Variants in NAALADL2 observed in about 807,000 individuals in gnomAD.
NAALADL2 encodes inactive N-acetylated-alpha-linked acidic dipeptidase-like protein 2.
In NAALADL2, 76 loss-of-function variants were observed where a neutral mutation model predicts 87.2. The observed-to-expected ratio is 0.87, with a 90% CI of 0.72 to 1.05. The LOEUF (loss-of-function observed/expected upper bound fraction) is 1.05. Ranked by LOEUF, NAALADL2 falls within the 50% of genes least tolerant of loss-of-function variation. NAALADL2 has a pLI of 0.00. For synonymous variants in NAALADL2, 354 were observed against 331.0 expected, an observed-to-expected ratio of 1.07 and a Z score of -0.75; for missense variants, 1,089 against 945.8, an observed-to-expected ratio of 1.15 and a Z score of -1.99.
rs1293064284 is a variant in NAALADL2 at position 175,375,103 on chromosome 3, C to A, written c.1090+50778C>A. Among the ~76,000 whole-genome samples, 3 of 152,188 alleles carry A rather than the reference C, an allele frequency of 2.0e-5. No individual in the cohort carries two copies. In the East Asian group the frequency reaches 5.8e-4, roughly 29 times the overall value. On this transcript the variant is annotated intron_variant, in intron 5 of 13. Coordinates refer to ENST00000454872, the MANE Select transcript of NAALADL2 (RefSeq NM_207015.3). Reference sequence around the variant, plus strand: ...ATCAATTGCTCATATAAGGTTCAGTCTACTACTGGACTCTCTATTCTGTTC... The same window carrying A: ...ATCAATTGCTCATATAAGGTTCAGTATACTACTGGACTCTCTATTCTGTTC...
chr3:174,593,012 T>G (rs894349064), intron 2 of NAALADL2, among the ~76,000 whole-genome samples: 10 of 152,034 alleles, frequency 6.6e-5, no homozygotes, highest in African/African-American at 2.4e-4. Context: ...GCTATCACTT[T>G]TCCTAAATCC....
intron 1 of NAALADL2, among the ~76,000 whole-genome samples, chr3:174,929,962 C>A (rs1357557101): frequency 1.3e-5 from 2 of 152,102 alleles, no homozygotes. Flanking sequence ...AGTATGTACT[C>A]AATAATAATG....
Position 175,808,551 on chromosome 3 carries a change from C to T in NAALADL2, c.*5348C>T, listed in dbSNP as rs1754897722. The stretch of plus-strand genomic sequence containing the variant: ...TTTAATGAGTGCAGACCCAGCCTAA[C>T]AGTATTTCATCTAATTTCTTTGATG... On this transcript the variant is annotated 3_prime_UTR_variant, in exon 14 of 14. Coordinates refer to ENST00000454872, the MANE Select transcript of NAALADL2 (RefSeq NM_207015.3). 1 of 151,960 alleles carries T rather than the reference C, an allele frequency of 6.6e-6. No individual in the cohort carries two copies. The highest frequency in any genetic ancestry group is 1.5e-5 in the Non-Finnish European group (1 of 67,932). The allele number at this position is 151,960 out of a possible 1,614,324, so 9.4% of individuals were successfully genotyped here.
intron 1 of NAALADL2, among the ~76,000 whole-genome samples, chr3:175,072,466 T>C (rs910507772): frequency 1.3e-5 from 2 of 152,008 alleles, no homozygotes; most frequent in Non-Finnish European, 1.5e-5. Flanking sequence ...ATGTCTAAAA[T>C]GAAAAGAGTC....
intron 1 of NAALADL2, among the ~76,000 whole-genome samples, chr3:174,969,123 A>G (rs548180540): frequency 6.6e-6 from 1 of 152,228 alleles, no homozygotes; most frequent in South Asian, 2.1e-4. Flanking sequence ...AATTCTTTTT[A>G]TTATGCTACT....
At chr3:175,698,419 ACATATG>A (rs1738391827) in intron 11 of NAALADL2, among the ~76,000 whole-genome samples, 1 of 53,400 alleles carries the variant, frequency 1.9e-5, no homozygotes, top group Non-Finnish European at 3.2e-5. Context: ...ATGTATGTAT[ACATATG>A]TATGTGTATA....
intron 2 of NAALADL2, among the ~76,000 whole-genome samples, chr3:175,150,582 T>C (rs1473821984): frequency 6.6e-6 from 1 of 152,170 alleles, no homozygotes; most frequent in African/African-American, 2.4e-5. Context: ...TATACCTTGG[T>C]AGCATAGCCA....
At chr3:174,487,971 A>G (rs1398555528) in intron 1 of NAALADL2, among the ~76,000 whole-genome samples, 1 of 152,002 alleles carries the variant, frequency 6.6e-6, no homozygotes, top group South Asian at 2.1e-4. Flanking sequence ...GAAGACATTA[A>G]AATTGTCAAG....
At chr3:174,642,773 T>C (rs200136501) in intron 2 of NAALADL2, among the ~76,000 whole-genome samples, 26 of 38,824 alleles carry the variant, frequency 6.7e-4, no homozygotes, top group African/African-American at 3.8e-3. Context: ...TATATATATA[T>C]ATATATATAT....
In NAALADL2 at chr3:174,763,549, T is replaced by C. The variant is rs113429977; in HGVS notation, c.-9+25803T>C. Among the ~76,000 whole-genome samples the C allele has an allele frequency of 5.9e-5, 7 of 119,000 alleles. 1 individual carries two copies. Among genetic ancestry groups the C allele is most frequent in the African/African-American group, 2.4e-4 (7 of 29,498 alleles). 78.1% of individuals were successfully genotyped at this position (119,000 alleles called of 152,430 possible). ...TTGCAGTGAACCGAGATTGCGCCAC[T>C]GCACTCCATCCTGGGCTACAGAGCG... On this transcript the variant is annotated intron_variant, in intron 3 of 3. Coordinates refer to the NAALADL2 transcript ENST00000434257.
At chr3:175,085,524 A>G (rs1718713944) in intron 1 of NAALADL2, among the ~76,000 whole-genome samples, 1 of 152,166 alleles carries the variant, frequency 6.6e-6, no homozygotes, top group Admixed American at 6.5e-5. Context: ...TCAGGAAACA[A>G]AGAGACCTGA....
intron 1 of NAALADL2, among the ~76,000 whole-genome samples, chr3:174,940,583 G>A (rs1738426025): frequency 1.3e-5 from 2 of 152,180 alleles, no homozygotes; most frequent in South Asian, 4.1e-4. Flanking sequence ...GTTTCAGTAG[G>A]AATGGTACCA....
chr3:174,864,357 G>T (rs918791808), intron 1 of NAALADL2, among the ~76,000 whole-genome samples: 1 of 152,006 alleles, frequency 6.6e-6, no homozygotes, highest in East Asian at 1.9e-4. Context: ...GTGAGATAAA[G>T]GTGGTCAATG....
chr3:175,539,060 C>G (rs934604568), intron 9 of NAALADL2, among the ~76,000 whole-genome samples: 4 of 152,036 alleles, frequency 2.6e-5, no homozygotes, highest in African/African-American at 9.7e-5. Flanking sequence ...CATTTGAAGG[C>G]CAATGAAAAA....
intron 3 of NAALADL2, among the ~76,000 whole-genome samples, chr3:174,754,768 G>GT (rs1171140087): frequency 1.3e-5 from 2 of 152,022 alleles, no homozygotes; most frequent in African/African-American, 2.4e-5. Context: ...TATAATTGTG[G>GT]TTTTTAATCT....
At chr3:174,905,386 T>G (rs148363040) in intron 1 of NAALADL2, among the ~76,000 whole-genome samples, 80 of 150,334 alleles carry the variant, frequency 5.3e-4, no homozygotes, top group Admixed American at 4.0e-3. Context: ...TAGTTACAAT[T>G]AAGAATTTTA....
intron 9 of NAALADL2, among the ~76,000 whole-genome samples, chr3:175,510,680 A>G (rs1300043797): frequency 1.3e-5 from 2 of 152,188 alleles, no homozygotes; most frequent in Non-Finnish European, 2.9e-5. Context: ...AAGTTAAAGA[A>G]CTTATTCAAG....
intron 2 of NAALADL2, among the ~76,000 whole-genome samples, chr3:175,118,425 AAAAT>A (rs1725627778): frequency 1.3e-5 from 2 of 151,754 alleles, no homozygotes; most frequent in Admixed American, 6.6e-5. Context: ...ATAAAGCATA[AAAAT>A]AAATAAAATA....
chr3:175,441,833 A>G (rs539146059), intron 5 of NAALADL2, among the ~76,000 whole-genome samples: 2 of 152,144 alleles, frequency 1.3e-5, no homozygotes, highest in East Asian at 1.9e-4. Flanking sequence ...TATCTTATCT[A>G]ACCTCTCAGT....
Sources: allele counts gnomAD v4.1 joint callset (sites outside exome capture counted in the v4.1 genomes callset), GRCh38; gene constraint gnomAD v4.1.1; transcripts MANE v1.5; gene names NCBI Gene and HGNC (gene_info 2026-07-23, HGNC 2026-07-21).